Variants in SGIP1 observed in about 807,000 individuals in gnomAD.
SGIP1 encodes SH3-containing GRB2-like protein 3-interacting protein 1.
Under a neutral mutation model 107.5 loss-of-function variants are expected in SGIP1, and 38 were observed. The ratio of observed to expected loss-of-function variants is 0.35; its 90% confidence interval spans 0.27 to 0.46. SGIP1 has a LOEUF of 0.46. SGIP1 is among the 20% of genes least tolerant of loss of function. The pLI, the probability that SGIP1 is intolerant of heterozygous loss-of-function variation, is 1.00. For missense variants in SGIP1, 929 were observed against 1,019.5 expected (o/e 0.91, Z 1.21); for synonymous variants, 365 against 366.1 (o/e 1.00, Z 0.03).
chr1:66,656,052 T>C (rs1049464782), intron 7 of SGIP1, among the ~76,000 whole-genome samples: 6 of 148,948 alleles, frequency 4.0e-5, no homozygotes, highest in African/African-American at 1.5e-4. Flanking sequence ...ATTTTAATAC[T>C]TTATAATAGT....
At chr1:66,730,116 A>G (rs1265790783) in intron 20 of SGIP1, among the ~76,000 whole-genome samples, 6 of 152,100 alleles carry the variant, frequency 3.9e-5, no homozygotes, top group African/African-American at 1.2e-4. Flanking sequence ...TTTTAAATCA[A>G]TTGTGTGTGT....
At position 66,750,964 on chromosome 1, in the gene SGIP1, C is replaced by A. The variant is rs1360934334; in HGVS notation, c.*7869C>A. On this transcript the variant is annotated 3_prime_UTR_variant, in exon 25 of 25. Transcript: ENST00000371037. ...AAATGTTTTTTGTTCATAATTTTCC[C>A]AATCACCTATTTCACAAAATCCTGA... Among the ~76,000 whole-genome samples the A allele has an allele frequency of 6.6e-6, 1 of 152,080 alleles. No individual in the cohort carries two copies. Among genetic ancestry groups the A allele is most frequent in the African/African-American group, 2.4e-5 (1 of 41,392 alleles).
rs200939935 is a variant in SGIP1 at position 66,642,860 on chromosome 1, C to T, written c.279C>T (p.Pro93=). Residue 93 remains proline (P), a synonymous_variant, in exon 6 of 25, where the codon CCC becomes CCT. Transcript: ENST00000371037. The part of the protein sequence containing the change: ...EEGYSIRPEE[P]GSTKGKHFYS... The stretch of plus-strand genomic sequence containing the variant: ...GCTACAGCATCAGACCCGAGGAACC[C>T]GGCTATATCCTTTCTTTATTTTTTT... 3.1e-4 allele frequency: 500 copies of T among 1,610,388 alleles called. 4 individuals carry two copies. In the Admixed American group the frequency reaches 6.9e-3, roughly 22 times the overall value.
intron 20 of SGIP1, among the ~76,000 whole-genome samples, chr1:66,731,961 A>T (rs555629204): frequency 1.3e-5 from 2 of 152,196 alleles, no homozygotes; most frequent in Non-Finnish European, 2.9e-5. Flanking sequence ...AGAATGCTCA[A>T]GGCTTCTTGA....
chr1:66,687,861 C>T (rs951361099), intron 15 of SGIP1, among the ~76,000 whole-genome samples: 2 of 152,194 alleles, frequency 1.3e-5, no homozygotes, highest in African/African-American at 4.8e-5. Flanking sequence ...GTAGGTTTCA[C>T]ACGAATGTGA....
intron 7 of SGIP1, among the ~76,000 whole-genome samples, chr1:66,644,227 T>C (rs1377493759): frequency 1.3e-5 from 2 of 152,162 alleles, no homozygotes; most frequent in Non-Finnish European, 2.9e-5. Context: ...TATCCTTCAT[T>C]CTATTGTATT....
At chr1:66,587,333 A>G (rs115139373) in intron 1 of SGIP1, among the ~76,000 whole-genome samples, 132 of 151,740 alleles carry the variant, frequency 8.7e-4, no homozygotes, top group African/African-American at 2.9e-3. Context: ...CTATTTTGTT[A>G]TAGTCTCACA....
At chr1:66,539,599 G>A (rs1488545657) in intron 1 of SGIP1, among the ~76,000 whole-genome samples, 1 of 152,208 alleles carries the variant, frequency 6.6e-6, no homozygotes, top group East Asian at 1.9e-4. Flanking sequence ...GCATGCTCTG[G>A]CCTGCTGTGC....
chr1:66,589,216 A>ATATGTGTGTGTGTGTGTGTGTGTGTG (rs1553238978), intron 1 of SGIP1, among the ~76,000 whole-genome samples: 2 of 96,428 alleles, frequency 2.1e-5, no homozygotes, highest in African/African-American at 4.1e-5. Context: ...ATATATATAT[A>ATATGTGTGTGTGTGTGTGTGTGTGTG]TGTAAGGCTT....
intron 1 of SGIP1, among the ~76,000 whole-genome samples, chr1:66,551,386 G>T (rs572213905): frequency 1.3e-5 from 2 of 152,170 alleles, no homozygotes; most frequent in South Asian, 4.1e-4. Flanking sequence ...ACTTTCAGTT[G>T]TAATAAAATT....
intron 18 of SGIP1, among the ~76,000 whole-genome samples, chr1:66,708,291 C>T (rs1420539563): frequency 1.3e-5 from 2 of 152,150 alleles, no homozygotes; most frequent in Admixed American, 1.3e-4. Context: ...TATACAAGTG[C>T]TTTACATAAA....
chr1:66,736,960 T>C (rs989164254), intron 21 of SGIP1, among the ~76,000 whole-genome samples: 8 of 152,102 alleles, frequency 5.3e-5, no homozygotes, highest in Admixed American at 1.3e-4. Flanking sequence ...TCAAACATTA[T>C]GGATAATACT....
intron 1 of SGIP1, among the ~76,000 whole-genome samples, chr1:66,611,515 TA>T (rs1451187976): frequency 6.6e-6 from 1 of 152,242 alleles, no homozygotes; most frequent in Non-Finnish European, 1.5e-5. Context: ...ACATGGTCCA[TA>T]AGCCAAACTC....
At chr1:66,664,959 T>TTTGTTGTTG (rs543561544) in intron 8 of SGIP1, among the ~76,000 whole-genome samples, 1 of 151,958 alleles carries the variant, frequency 6.6e-6, no homozygotes, top group African/African-American at 2.4e-5. Context: ...TTGTTGTGCT[T>TTTGTTGTTG]TTGTTGTTGT....
intron 19 of SGIP1, among the ~76,000 whole-genome samples, chr1:66,727,018 G>A (rs1228589584): frequency 6.6e-6 from 1 of 152,138 alleles, no homozygotes; most frequent in Non-Finnish European, 1.5e-5. Flanking sequence ...CCTTCGGTTT[G>A]GCAAAGATTT....
intron 1 of SGIP1, among the ~76,000 whole-genome samples, chr1:66,584,666 A>G (rs2062318175): frequency 6.6e-6 from 1 of 152,182 alleles, no homozygotes; most frequent in South Asian, 2.1e-4. Flanking sequence ...ATCTAGGGAT[A>G]TCTGAAACTT....
chr1:66,682,044 G>A lies in SGIP1; in HGVS notation c.990G>A (p.Arg330=), dbSNP rs766444316. ...ATGTTACTCCGGAGTTGACTCCAAG[G>A]GAAAAAGTGGTGTCCCCACCAGCTA... ...PEHVTPELTP[R]EKVVSPPATP... Residue 330 remains arginine (R), a synonymous_variant, in exon 15 of 25, where the codon AGG becomes AGA. Transcript: ENST00000371037. 5.6e-6 allele frequency: 9 copies of A among 1,613,958 alleles called. No individual in the cohort carries two copies. Among genetic ancestry groups the A allele is most frequent in the African/African-American group, 1.3e-5 (1 of 74,898 alleles).
chr1:66,622,958 G>A (rs1026384266), intron 1 of SGIP1, among the ~76,000 whole-genome samples: 3 of 152,088 alleles, frequency 2.0e-5, no homozygotes, highest in Non-Finnish European at 2.9e-5. Flanking sequence ...AAACTTATCG[G>A]ATTATTGAAC....
chr1:66,701,289 G>A (rs1282093117), intron 18 of SGIP1, among the ~76,000 whole-genome samples: 7 of 152,074 alleles, frequency 4.6e-5, no homozygotes, highest in Non-Finnish European at 4.4e-5. Flanking sequence ...ATTCTTAAGT[G>A]GGAGGTGTTT....
Sources: gnomAD v4.1 joint callset for allele counts (sites outside exome capture counted in the v4.1 genomes callset) on GRCh38, gnomAD v4.1.1 for gene constraint, MANE v1.5 for transcripts, NCBI Gene and HGNC (gene_info 2026-07-23, HGNC 2026-07-21) for gene names.